Variants in CNTN5 observed in about 807,000 individuals in gnomAD.
CNTN5 encodes the protein contactin 5.
A neutral mutation model predicts 129.1 loss-of-function variants in CNTN5; 77 were observed. The ratio of observed to expected loss-of-function variants is 0.60; its 90% CI spans 0.50 to 0.72. The LOEUF (loss-of-function observed/expected upper bound fraction) is 0.72. CNTN5 is among the 30% of genes least tolerant of loss of function. CNTN5 has a pLI of 0.00. For missense variants in CNTN5, 1,478 were observed against 1,328.8 expected (o/e 1.11, Z -1.75); for synonymous variants, 509 against 465.6 (o/e 1.09, Z -1.20).
At chr11:99,696,617 T>C (rs559049151) in intron 3 of CNTN5, among the ~76,000 whole-genome samples, 2 of 151,704 alleles carry the variant, frequency 1.3e-5, no homozygotes, top group Admixed American at 1.3e-4. Context: ...GTACCATCAG[T>C]AGTCATTCTT....
intron 1 of CNTN5, among the ~76,000 whole-genome samples, chr11:99,283,204 C>G (rs1010903893): frequency 2.0e-5 from 3 of 152,038 alleles, no homozygotes; most frequent in Non-Finnish European, 1.5e-5. Context: ...TCTCTCAGTC[C>G]TTTCTTTAAA....
At chr11:99,805,230 A>T (rs1419931329) in intron 3 of CNTN5, among the ~76,000 whole-genome samples, 1 of 152,162 alleles carries the variant, frequency 6.6e-6, no homozygotes, top group Non-Finnish European at 1.5e-5. Flanking sequence ...TTAGGAAAAC[A>T]TAGTTAACTA....
At chr11:99,728,865 G>C (rs969006247) in intron 3 of CNTN5, among the ~76,000 whole-genome samples, 1 of 152,178 alleles carries the variant, frequency 6.6e-6, no homozygotes, top group African/African-American at 2.4e-5. Flanking sequence ...GCATACAGTA[G>C]AGCCAGAGCT....
intron 1 of CNTN5, among the ~76,000 whole-genome samples, chr11:99,292,281 C>T (rs962185121): frequency 6.7e-6 from 1 of 149,886 alleles, no homozygotes; most frequent in African/African-American, 2.4e-5. Context: ...AAAACTTCCA[C>T]ATTAATAGTC....
intron 2 of CNTN5, among the ~76,000 whole-genome samples, chr11:99,486,913 A>G (rs945892399): frequency 1.3e-5 from 2 of 152,194 alleles, no homozygotes; most frequent in Admixed American, 1.3e-4. Flanking sequence ...TAAGGCTTAT[A>G]GACAGTGAGC....
intron 3 of CNTN5, among the ~76,000 whole-genome samples, chr11:99,780,173 A>G (rs1362592762): frequency 6.6e-6 from 1 of 151,584 alleles, no homozygotes; most frequent in Non-Finnish European, 1.5e-5. Context: ...CCTCCTTCTT[A>G]GTTTTTTTCC....
chr11:100,064,136 G>C (rs10501940), intron 10 of CNTN5, among the ~76,000 whole-genome samples: 20,305 of 152,082 alleles, frequency 0.13, 1,468 homozygotes, highest in Non-Finnish European at 0.16. Context: ...CTCTGTAATT[G>C]GGATTCTATC....
At chr11:99,323,520 G>A (rs1243393773) in intron 1 of CNTN5, among the ~76,000 whole-genome samples, 1 of 152,036 alleles carries the variant, frequency 6.6e-6, no homozygotes, top group Non-Finnish European at 1.5e-5. Flanking sequence ...CTCAATATGT[G>A]CTAGACATGT....
At chr11:99,397,953 T>A (rs981484155) in intron 2 of CNTN5, among the ~76,000 whole-genome samples, 6 of 151,884 alleles carry the variant, frequency 4.0e-5, no homozygotes, top group Non-Finnish European at 7.4e-5. Flanking sequence ...TATACACGCC[T>A]ACAAATATTG....
chr11:99,065,790 G>A (rs77975402), intron 1 of CNTN5, among the ~76,000 whole-genome samples: 1 of 151,670 alleles, frequency 6.6e-6, no homozygotes, highest in African/African-American at 2.4e-5. Flanking sequence ...AAAAAAAAAA[G>A]CTTGATTCTT....
At position 99,257,528 on chromosome 11, in the gene CNTN5, T is replaced by C. The variant is rs140994059; in HGVS notation, c.-209-67818T>C. 2.0e-4 allele frequency among the ~76,000 whole-genome samples: 30 copies of C among 152,204 alleles called. No homozygotes were observed. In the East Asian group the frequency reaches 5.8e-3, roughly 29 times the overall value. ...ATTGTTGCAGCCAATTTAAAGAACA[T>C]TGTGGATATTCATTGATTTTTTTAA... On this transcript the variant is annotated intron_variant, in intron 1 of 24. Coordinates refer to ENST00000524871, the MANE Select transcript of CNTN5 (RefSeq NM_014361.4).
chr11:99,909,247 A>T (rs1324307644), intron 6 of CNTN5, among the ~76,000 whole-genome samples: 1 of 152,162 alleles, frequency 6.6e-6, no homozygotes. Flanking sequence ...TTATCAAATC[A>T]AAACCACAAT....
At chr11:100,309,738 C>A in intron 21 of CNTN5, 2 of 981,022 alleles carry the variant, frequency 2.0e-6, no homozygotes, top group Non-Finnish European at 2.4e-6. Flanking sequence ...TTCTATCCAA[C>A]CGTAGAAGAC....
At position 99,055,209 on chromosome 11, in the gene CNTN5, G is replaced by T. The variant is rs12280671; in HGVS notation, c.-210+33939G>T. Reference sequence around the variant, plus strand: ...CCATTATGCTCTATAGCCAGTGAAAGCTTCACAGAGAACAAATATAACTAT... The same window carrying T: ...CCATTATGCTCTATAGCCAGTGAAATCTTCACAGAGAACAAATATAACTAT... On this transcript the variant is annotated intron_variant, in intron 1 of 24. Transcript: ENST00000524871. Among the ~76,000 whole-genome samples the T allele has an allele frequency of 3.1e-3, 469 of 152,040 alleles. 5 individuals carry two copies. The highest frequency in any genetic ancestry group is 0.01 in the African/African-American group (427 of 41,524).
chr11:99,649,767 G>GT (rs796278694), intron 3 of CNTN5, among the ~76,000 whole-genome samples: 4 of 151,796 alleles, frequency 2.6e-5, no homozygotes, highest in South Asian at 2.1e-4. Context: ...AGAGCAAATA[G>GT]TTTTTTGAAG....
intron 3 of CNTN5, among the ~76,000 whole-genome samples, chr11:99,784,665 G>A (rs776623940): frequency 4.5e-4 from 69 of 152,130 alleles, no homozygotes; most frequent in Non-Finnish European, 8.4e-4. Context: ...TTCCGCAACG[G>A]TTGAACTGAT....
At chr11:99,157,979 A>G (rs1376945155) in intron 1 of CNTN5, among the ~76,000 whole-genome samples, 4 of 152,156 alleles carry the variant, frequency 2.6e-5, no homozygotes, top group African/African-American at 4.8e-5. Context: ...AAAGCTTTCT[A>G]TGTATTTAAT....
intron 3 of CNTN5, among the ~76,000 whole-genome samples, chr11:99,737,172 C>T (rs1228913669): frequency 6.6e-6 from 1 of 151,876 alleles, no homozygotes; most frequent in Non-Finnish European, 1.5e-5. Context: ...CGCACACGCA[C>T]ACACAGTCTT....
At chr11:100,249,391 CT>C (rs1056263272) in intron 16 of CNTN5, among the ~76,000 whole-genome samples, 1 of 152,050 alleles carries the variant, frequency 6.6e-6, no homozygotes, top group African/African-American at 2.4e-5. Context: ...CTGCTCAGGG[CT>C]TTTGATTTGT....
Sources: gnomAD v4.1 joint callset for allele counts (sites outside exome capture counted in the v4.1 genomes callset) on GRCh38, gnomAD v4.1.1 for gene constraint, MANE v1.5 for transcripts, NCBI Gene and HGNC (gene_info 2026-07-23, HGNC 2026-07-21) for gene names.